The following WWOX variants were observed in gnomAD, a reference collection of about 807,000 sequenced individuals.
WWOX encodes the protein WW domain-containing oxidoreductase.
WWOX carries 69 observed loss-of-function variants against 46.2 expected under a neutral mutation model. That is an observed-to-expected ratio of 1.49 (90% CI 1.23 to 1.82). WWOX has a LOEUF of 1.82. WWOX is among the 40% of genes most tolerant of loss of function. The pLI is 0.00. For synonymous variants in WWOX, 359 were observed against 202.6 expected (o/e 1.77, Z -6.56); for missense variants, 919 against 542.6 (o/e 1.69, Z -6.89).
intron 8 of WWOX, among the ~76,000 whole-genome samples, chr16:78,970,766 T>C (rs1446500050): frequency 6.6e-6 from 1 of 152,116 alleles, no homozygotes; most frequent in Non-Finnish European, 1.5e-5. Flanking sequence ...TTATTAGTCG[T>C]GATTCTTGGG....
intron 8 of WWOX, among the ~76,000 whole-genome samples, chr16:78,775,120 C>T (rs1450037930): frequency 6.6e-6 from 1 of 152,212 alleles, no homozygotes; most frequent in Non-Finnish European, 1.5e-5. Flanking sequence ...TCAAATGTGG[C>T]TGTATTTTTA....
intron 8 of WWOX, among the ~76,000 whole-genome samples, chr16:78,604,199 T>C (rs140083224): frequency 1.3e-5 from 2 of 152,240 alleles, no homozygotes; most frequent in African/African-American, 4.8e-5. Context: ...TTCAGATGCA[T>C]GTGGATGGGC....
At chr16:78,887,944 G>T (rs1218389836) in intron 8 of WWOX, among the ~76,000 whole-genome samples, 1 of 152,152 alleles carries the variant, frequency 6.6e-6, no homozygotes, top group Non-Finnish European at 1.5e-5. Flanking sequence ...ACATTAGAAA[G>T]CTCACTCTGA....
intron 8 of WWOX, among the ~76,000 whole-genome samples, chr16:78,912,243 C>T (rs147013710): frequency 6.6e-6 from 1 of 152,046 alleles, no homozygotes; most frequent in East Asian, 1.9e-4. Flanking sequence ...CATGTCCTAT[C>T]ATTAACACAG....
chr16:78,451,294 A>AT (rs144981400), intron 8 of WWOX, among the ~76,000 whole-genome samples: 11,146 of 152,264 alleles, frequency 0.073, 499 homozygotes, highest in East Asian at 0.2. Flanking sequence ...ATTCACTGTG[A>AT]TTTTCACTGA....
At chr16:78,213,219 C>G (rs1006621246) in intron 5 of WWOX, among the ~76,000 whole-genome samples, 1 of 141,860 alleles carries the variant, frequency 7.0e-6, no homozygotes, top group African/African-American at 2.7e-5. Context: ...CCACTGTACT[C>G]TAGCCTGGGT....
chr16:78,159,894 A>G (rs919790634), intron 4 of WWOX, among the ~76,000 whole-genome samples: 1 of 151,750 alleles, frequency 6.6e-6, no homozygotes, highest in East Asian at 1.9e-4. Flanking sequence ...ATGTGGCATA[A>G]TGTTGTCCTT....
chr16:78,183,991 A>G (rs999533758), intron 5 of WWOX, among the ~76,000 whole-genome samples: 7 of 152,306 alleles, frequency 4.6e-5, no homozygotes, highest in African/African-American at 1.7e-4. Flanking sequence ...GGCAGGCTTC[A>G]GCAACTTCAC....
intron 8 of WWOX, among the ~76,000 whole-genome samples, chr16:78,934,688 C>G (rs901025402): frequency 1.1e-4 from 16 of 152,040 alleles, no homozygotes; most frequent in African/African-American, 3.9e-4. Flanking sequence ...GTGCCAGAAC[C>G]CAGCATTTAA....
rs982607423 is a variant in WWOX, at chr16:78,425,055, G to A, written c.791G>A (p.Arg264Gln). 8.1e-6 allele frequency: 13 copies of A among 1,613,304 alleles called. No individual in the cohort carries two copies. The highest frequency in any genetic ancestry group is 1.7e-5 in the Admixed American group (1 of 59,996). The change falls in exon 7 of 9, where the codon CGA becomes CAA. Residue 264 changes from arginine to glutamine, a missense_variant and splice_region_variant. Physicochemically the swap from Arg to Gln is conservative, Grantham distance 43 (BLOSUM62 1). Transcript: ENST00000566780. ...ATTGTGGTCTCCTCAGAGTCCCATC[G>A]GTGGGTTTGAATTGCATATTTGTTC... ...RVIVVSSESH[R>Q]FTDINDSLGK...
intron 8 of WWOX, among the ~76,000 whole-genome samples, chr16:79,202,253 G>A (rs978227749): frequency 2.6e-5 from 4 of 152,114 alleles, no homozygotes; most frequent in Non-Finnish European, 5.9e-5. Context: ...AAGAATGAGG[G>A]CTTGGGTGGC....
chr16:78,311,305 C>G (rs529871955), intron 5 of WWOX, among the ~76,000 whole-genome samples: 13 of 152,094 alleles, frequency 8.5e-5, no homozygotes, highest in African/African-American at 2.9e-4. Context: ...TAAACAAATT[C>G]CTTTCTTGAT....
At chr16:79,196,115 C>G (rs560812840) in intron 8 of WWOX, among the ~76,000 whole-genome samples, 3 of 152,320 alleles carry the variant, frequency 2.0e-5, no homozygotes, top group East Asian at 1.9e-4. Flanking sequence ...TTTGGCACCT[C>G]TGATAAAGTT....
At chr16:78,334,317 C>A (rs370594459) in intron 5 of WWOX, among the ~76,000 whole-genome samples, 1 of 152,152 alleles carries the variant, frequency 6.6e-6, no homozygotes, top group Non-Finnish European at 1.5e-5. Flanking sequence ...TTGAATGCAA[C>A]ATGAATCATT....
rs184269400 is a variant in WWOX, at chr16:79,014,988, C to T, written c.1057-196620C>T. On this transcript the variant is annotated intron_variant, in intron 8 of 8. Transcript: ENST00000566780. ...TGTATCCACTGGGCAAAGGTACCTG[C>T]GAGGGATCAAAGATGGAAAGGCAGA... Among the ~76,000 whole-genome samples the T allele has an allele frequency of 3.0e-3, 460 of 152,154 alleles. 1 individual carries two copies. Among genetic ancestry groups the T allele is most frequent in the African/African-American group, 0.011 (440 of 41,496 alleles).
chr16:78,855,183 T>C (rs2052538526), intron 8 of WWOX, among the ~76,000 whole-genome samples: 1 of 152,164 alleles, frequency 6.6e-6, no homozygotes, highest in Admixed American at 6.5e-5. Flanking sequence ...GTTTGAAAAA[T>C]AGATTACTGT....
chr16:78,830,182 G>T (rs1035149557), intron 8 of WWOX, among the ~76,000 whole-genome samples: 20 of 152,174 alleles, frequency 1.3e-4, no homozygotes, highest in African/African-American at 4.3e-4. Context: ...AAAGAAGAAA[G>T]AAAAGGAGGG....
chr16:78,860,396 C>A (rs2052688195), intron 8 of WWOX, among the ~76,000 whole-genome samples: 1 of 152,070 alleles, frequency 6.6e-6, no homozygotes. Context: ...TATCTTGATG[C>A]CTCACATAAG....
chr16:79,212,128 A>G lies in WWOX; in HGVS notation c.*332A>G. On this transcript the variant is annotated 3_prime_UTR_variant, in exon 9 of 9. Coordinates refer to ENST00000566780, the MANE Select transcript of WWOX (RefSeq NM_016373.4). ...TCTCTTTCTTTTACTGTTATAGAAT[A>G]GCCTGAGGTCCCCTCGTCCCATCCA... 6.5e-7 allele frequency: 1 copy of G among 1,531,126 alleles called. No individual in the cohort carries two copies. Among genetic ancestry groups the G allele is most frequent in the Non-Finnish European group, 8.7e-7 (1 of 1,144,012 alleles). The allele number at this position is 1,531,126 out of a possible 1,614,324, so 94.8% of individuals were successfully genotyped here.
Sources: allele counts gnomAD v4.1 joint callset (sites outside exome capture counted in the v4.1 genomes callset), GRCh38; gene constraint gnomAD v4.1.1; transcripts MANE v1.5; gene names NCBI Gene and HGNC (gene_info 2026-07-23, HGNC 2026-07-21).